Variants in NLRP11 observed in about 807,000 individuals in gnomAD.
NLRP11 encodes the protein NLR family pyrin domain containing 11, also known as NACHT, LRR and PYD domains-containing protein 11.
Under a neutral mutation model 79.3 loss-of-function variants are expected in NLRP11, and 53 were observed. The ratio of observed to expected loss-of-function variants is 0.67; its 90% CI spans 0.54 to 0.84. The LOEUF (loss-of-function observed/expected upper bound fraction) is 0.84, where lower values mean the gene tolerates loss of function less well. Among genes scored for constraint, NLRP11 ranks in the 40% least tolerant of loss-of-function variants. The pLI is 0.00. For missense variants in NLRP11, 1,264 were observed against 1,255.0 expected (o/e 1.01, Z -0.11); for synonymous variants, 518 against 462.6 (o/e 1.12, Z -1.54).
chr19:55,808,137 G>A, intron 3 of NLRP11, 123 bp from the exon 4 acceptor site: 2 of 602,806 alleles, frequency 3.3e-6, no homozygotes, highest in Non-Finnish European at 2.9e-6. Context: ...ATACCATGCA[G>A]CAAGAAATAA....
chr19:55,786,003 C>CA (rs761856496), intron 9 of NLRP11, 132 bp from the exon 10 acceptor site: 1 of 912,504 alleles, frequency 1.1e-6, no homozygotes, highest in Admixed American at 2.7e-5. Context: ...TCTGAGGAAA[C>CA]AAAAATCTGT....
At position 55,807,843 on chromosome 19, in the gene NLRP11, T is replaced by C. The variant is rs141620498; in HGVS notation, c.2003+10A>G. On this transcript the variant is annotated intron_variant, in intron 4 of 9. Transcript: ENST00000589093. ...GGAACCTCTAAGGCAGAGGTTGATA[T>C]AGTACTTACTTGAGTGTGCGAAGTT... is the stretch of plus-strand genomic sequence containing the variant. 105 of 1,591,218 alleles carry C rather than the reference T, an allele frequency of 6.6e-5. 1 individual carries two copies. The African/African-American group carries it at 1.2e-3, about 18-fold the overall frequency.
chr19:55,803,208 G>C (rs1481569243), intron 4 of NLRP11, among the ~76,000 whole-genome samples: 1 of 152,070 alleles, frequency 6.6e-6, no homozygotes, highest in Non-Finnish European at 1.5e-5. Flanking sequence ...TTAGCTGGGC[G>C]TGGTGGCGGG....
Position 55,809,836 on chromosome 19 carries a change from G to A in NLRP11, c.774C>T (p.Leu258=). 6.2e-7 allele frequency: 1 copy of A among 1,614,214 alleles called. No individual in the cohort carries two copies. Among genetic ancestry groups the A allele is most frequent in the Non-Finnish European group, 8.5e-7 (1 of 1,180,028 alleles). The change falls in exon 3 of 10, where the codon CTC becomes CTT. Residue 258 remains leucine, a synonymous_variant. Coordinates refer to ENST00000589093, the Ensembl canonical transcript of NLRP11. The surrounding 1 kb of genome is among the most constrained non-coding windows in gnomAD (Gnocchi z 4.5). The stretch of plus-strand genomic sequence containing the variant: ...TTTTTCTCTTCAGCAAACTGACCAG[G>A]AGAACTGGAATGGGAACTTTCTGGG...
chr19:55,816,195 T>A (rs1981098127), intron 2 of NLRP11, among the ~76,000 whole-genome samples: 1 of 152,202 alleles, frequency 6.6e-6, no homozygotes, highest in Admixed American at 6.5e-5. Context: ...AAGAGGGAGA[T>A]ATTCCATGCC....
chr19:55,804,809 A>C (rs779675434), intron 4 of NLRP11, among the ~76,000 whole-genome samples: 1 of 152,194 alleles, frequency 6.6e-6, no homozygotes, highest in Non-Finnish European at 1.5e-5. Context: ...TCACCCCTGT[A>C]ATCTCAGCAC....
At chr19:55,832,199 G>T (rs538280571), upstream of NLRP11, 2 of 152,156 alleles carry the variant, frequency 1.3e-5, no homozygotes, top group Admixed American at 6.6e-5. Flanking sequence ...ATTAGGAGAC[G>T]GTCCACACCC....
intron 5 of NLRP11, among the ~76,000 whole-genome samples, chr19:55,799,869 A>C (rs761285373): frequency 2.0e-5 from 3 of 152,206 alleles, no homozygotes; most frequent in Non-Finnish European, 2.9e-5. Flanking sequence ...CGGGAGGCTG[A>C]GGCAGGAGAA....
intron 1 of NLRP11, among the ~76,000 whole-genome samples, chr19:55,818,826 A>T (rs1184445821): frequency 6.6e-6 from 1 of 152,132 alleles, no homozygotes; most frequent in African/African-American, 2.4e-5. Context: ...GTTAGTATAT[A>T]AATGAGCCAA....
At chr19:55,821,015 G>A (rs945122976) in intron 1 of NLRP11, among the ~76,000 whole-genome samples, 1 of 152,148 alleles carries the variant, frequency 6.6e-6, no homozygotes, top group African/African-American at 2.4e-5. Context: ...TGATAAGAGT[G>A]GCTCACATGC....
chr19:55,834,333 A>G (rs1983053312), upstream of NLRP11, among the ~76,000 whole-genome samples: 1 of 152,224 alleles, frequency 6.6e-6, no homozygotes, highest in African/African-American at 2.4e-5. Flanking sequence ...ATACAAGGAA[A>G]ACAATGAAAA....
intron 1 of NLRP11, among the ~76,000 whole-genome samples, chr19:55,818,520 A>G (rs918360009): frequency 2.0e-5 from 3 of 152,250 alleles, no homozygotes; most frequent in Non-Finnish European, 2.9e-5. Flanking sequence ...ATTGAGTATC[A>G]TACAGAAACT....
rs768491080 is a variant in NLRP11 at position 55,809,080 on chromosome 19, G to C, written c.1530C>G (p.Ser510=). 2.5e-6 allele frequency: 4 copies of C among 1,613,788 alleles called. No homozygotes were observed. The highest frequency in any genetic ancestry group is 3.4e-6 in the Non-Finnish European group (4 of 1,179,904). The change falls in exon 3 of 10, where the codon TCC becomes TCG. Residue 510 remains serine (S), a synonymous_variant. Coordinates refer to ENST00000589093, the Ensembl canonical transcript of NLRP11. This position sits in a 1 kb window ranked among gnomAD's most constrained non-coding sequence, Gnocchi z 4.5. ...CTACCATCGGTAGCTGGTATCCAAA[G>C]GATGTCTCAAGAATCTTTCTCCTGT...
chr19:55,836,148 C>T (rs543243510), upstream of NLRP11, among the ~76,000 whole-genome samples: 1 of 152,280 alleles, frequency 6.6e-6, no homozygotes, highest in African/African-American at 2.4e-5. Flanking sequence ...TTTCTTCTTG[C>T]ACGACAGGTT....
In NLRP11 at chr19:55,807,327, C is replaced by G. The variant is rs1048264678; in HGVS notation, c.2003+526G>C. On this transcript the variant is annotated intron_variant, in intron 4 of 9. Transcript: ENST00000589093. ...CTAATTTTCCCAGTGACTGTTTAGGCAAGTACAGCTGCTTTTCACCTGATT... is the reference window on the plus strand; with the variant it reads ...CTAATTTTCCCAGTGACTGTTTAGGGAAGTACAGCTGCTTTTCACCTGATT... Among the ~76,000 whole-genome samples, 6 of 152,204 alleles carry G rather than the reference C, an allele frequency of 3.9e-5. No homozygotes were observed. In the South Asian group the frequency reaches 1.0e-3, roughly 26 times the overall value.
intron 5 of NLRP11, among the ~76,000 whole-genome samples, chr19:55,800,424 C>T (rs1287953236): frequency 2.6e-5 from 4 of 152,210 alleles, no homozygotes; most frequent in Admixed American, 2.0e-4. Context: ...TATCTTGCTT[C>T]ACCCTCTCGC....
exon 3 of NLRP11, chr19:55,810,094 C>T: frequency 6.2e-7 from 1 of 1,614,142 alleles, no homozygotes; most frequent in Non-Finnish European, 8.5e-7. Context: ...ACATCTCACC[C>T]TTGATCCACC....
chr19:55,835,019 A>G (rs1983112265), upstream of NLRP11, among the ~76,000 whole-genome samples: 1 of 152,172 alleles, frequency 6.6e-6, no homozygotes, highest in Non-Finnish European at 1.5e-5. Flanking sequence ...GCATGCTCTT[A>G]TGGGTACATG....
intron 2 of NLRP11, among the ~76,000 whole-genome samples, chr19:55,810,628 C>G (rs911827886): frequency 2.0e-5 from 3 of 152,170 alleles, no homozygotes; most frequent in African/African-American, 7.2e-5. Context: ...TCCCAAGTAG[C>G]TAGGATTACA....
Sources: gnomAD v4.1 joint callset for allele counts (sites outside exome capture counted in the v4.1 genomes callset) on GRCh38, gnomAD v4.1.1 for gene constraint, Gnocchi (gnomAD v3.1) non-coding constraint, MANE v1.5 for transcripts, NCBI Gene and HGNC (gene_info 2026-07-23, HGNC 2026-07-21) for gene names.